DHRSX: variants seen among roughly 807,000 people sequenced by gnomAD.
The protein encoded by DHRSX is polyprenol dehydrogenase.
Under a neutral mutation model 34.0 loss-of-function variants are expected in DHRSX, and 31 were observed. The ratio of observed to expected loss-of-function variants is 0.91; its 90% CI spans 0.69 to 1.23. DHRSX has a LOEUF of 1.23. DHRSX is among the 50% of genes most tolerant of loss of function. The pLI is 0.00. For synonymous variants in DHRSX, 201 were observed against 183.8 expected, an observed-to-expected ratio of 1.09 and a Z score of -0.76; for missense variants, 414 against 428.1, an observed-to-expected ratio of 0.97 and a Z score of 0.29.
intron 1 of DHRSX, among the ~76,000 whole-genome samples, chrX:2,440,084 T>C (rs1338520000): frequency 2.6e-5 from 4 of 152,168 alleles, no homozygotes; most frequent in Admixed American, 6.6e-5. Flanking sequence ...TTACCCACTT[T>C]TGAAATGAAC....
intron 3 of DHRSX, among the ~76,000 whole-genome samples, chrX:2,322,918 TTTGTTG>T (rs770162492): frequency 4.6e-5 from 7 of 152,052 alleles, no homozygotes; most frequent in African/African-American, 1.2e-4. Context: ...ACTCTAGTTT[TTTGTTG>T]TTGTTGTTGT....
intron 1 of DHRSX, 115 bp from the exon 2 acceptor site, chrX:2,425,419 T>C: frequency 1.2e-6 from 1 of 864,174 alleles, no homozygotes; most frequent in Non-Finnish European, 1.9e-6. Flanking sequence ...TTCATTTATT[T>C]CTGGTTCTGT....
chrX:2,439,413 C>CT (rs1181558852), intron 1 of DHRSX, among the ~76,000 whole-genome samples: 1 of 152,152 alleles, frequency 6.6e-6, no homozygotes, highest in East Asian at 1.9e-4. Flanking sequence ...AATCCATACT[C>CT]TGACAAGTTC....
At chrX:2,252,026 C>T (rs1226940135) in intron 5 of DHRSX, among the ~76,000 whole-genome samples, 4 of 151,824 alleles carry the variant, frequency 2.6e-5, no homozygotes, top group Admixed American at 1.3e-4. Context: ...TCACCTGAGG[C>T]CAGGAGTTCG....
chrX:2,382,055 A>G (rs1374717396), intron 3 of DHRSX, among the ~76,000 whole-genome samples: 4 of 152,186 alleles, frequency 2.6e-5, no homozygotes, highest in African/African-American at 9.6e-5. Context: ...AACATGGACA[A>G]GAAGATGCCT....
At chrX:2,245,625 A>C (rs1013496044) in intron 5 of DHRSX, among the ~76,000 whole-genome samples, 16 of 150,530 alleles carry the variant, frequency 1.1e-4, no homozygotes, top group African/African-American at 3.6e-4. Flanking sequence ...TAGCTCTTAC[A>C]TATATTGATT....
At chrX:2,269,624 C>T (rs1328597432) in intron 4 of DHRSX, among the ~76,000 whole-genome samples, 1 of 152,130 alleles carries the variant, frequency 6.6e-6, no homozygotes, top group Non-Finnish European at 1.5e-5. Flanking sequence ...GCAACCTCCG[C>T]CTCCCAGGTT....
chrX:2,314,134 T>G (rs1309440714), intron 3 of DHRSX, among the ~76,000 whole-genome samples: 1 of 140,116 alleles, frequency 7.1e-6, no homozygotes, highest in African/African-American at 2.7e-5. Flanking sequence ...CAGTTGATTA[T>G]GTCCCAGATC....
At chrX:2,238,768 AGAGATG>A (rs1293847920) in intron 6 of DHRSX, among the ~76,000 whole-genome samples, 3 of 150,954 alleles carry the variant, frequency 2.0e-5, no homozygotes, top group Non-Finnish European at 4.4e-5. Context: ...TTTTTTTAAT[AGAGATG>A]GTGTTTCACC....
intron 3 of DHRSX, among the ~76,000 whole-genome samples, chrX:2,381,796 C>CT (rs2043205826): frequency 2.9e-5 from 1 of 34,122 alleles, no homozygotes; most frequent in Admixed American, 4.8e-4. Context: ...GAAGCCACAA[C>CT]CAAAAAAAAA....
chrX:2,492,791 T>C (rs2045188229), intron 1 of DHRSX, among the ~76,000 whole-genome samples: 1 of 152,202 alleles, frequency 6.6e-6, no homozygotes, highest in Non-Finnish European at 1.5e-5. Context: ...AGCGCAGCCC[T>C]GAGACACTTT....
At chrX:2,295,988 T>C (rs997865143) in intron 3 of DHRSX, among the ~76,000 whole-genome samples, 2 of 152,186 alleles carry the variant, frequency 1.3e-5, no homozygotes, top group East Asian at 1.9e-4. Flanking sequence ...GAGATGCTTG[T>C]GTGCCTCACT....
At chrX:2,386,883 T>G (rs1179002626) in intron 3 of DHRSX, among the ~76,000 whole-genome samples, 1 of 55,174 alleles carries the variant, frequency 1.8e-5, no homozygotes, top group Non-Finnish European at 3.1e-5. Context: ...GATGGTTTTG[T>G]TTTTTTTTTT....
At chrX:2,308,040 T>C (rs2042121191) in intron 3 of DHRSX, among the ~76,000 whole-genome samples, 1 of 152,108 alleles carries the variant, frequency 6.6e-6, no homozygotes, top group Non-Finnish European at 1.5e-5. Context: ...TCATTCCACC[T>C]GGAGTACCTT....
chrX:2,481,548 C>G (rs1569505608), intron 1 of DHRSX, among the ~76,000 whole-genome samples: 1 of 151,952 alleles, frequency 6.6e-6, no homozygotes, highest in Non-Finnish European at 1.5e-5. Context: ...CACCTGTAAT[C>G]CCAGCTACTC....
chrX:2,453,154 A>C (rs1449055118), intron 1 of DHRSX, among the ~76,000 whole-genome samples: 2 of 152,218 alleles, frequency 1.3e-5, no homozygotes, highest in African/African-American at 4.8e-5. Context: ...CATATGTAGA[A>C]TATAAAAAAG....
At chrX:2,243,812 T>G (rs1224965541) in intron 5 of DHRSX, among the ~76,000 whole-genome samples, 9 of 121,896 alleles carry the variant, frequency 7.4e-5, no homozygotes, top group East Asian at 2.5e-4. Flanking sequence ...TTTTTTTTTT[T>G]TTTTTTTTTT....
chrX:2,475,702 G>A (rs186420984), intron 1 of DHRSX, among the ~76,000 whole-genome samples: 42 of 151,994 alleles, frequency 2.8e-4, no homozygotes, highest in Middle Eastern at 6.8e-3. Flanking sequence ...AGGGACCGCC[G>A]CCATGTACAC....
rs772837324 is a variant in DHRSX, at chrX:2,482,166, GT to G, written c.109+18650del. 1.4e-3 allele frequency among the ~76,000 whole-genome samples: 205 copies of G among 142,896 alleles called. 2 individuals are homozygous for G. The highest frequency in any genetic ancestry group is 4.7e-3 in the African/African-American group (176 of 37,756). 93.7% of individuals were successfully genotyped at this position (142,896 alleles called of 152,430 possible). Reference sequence around the variant, plus strand: ...TTTTAGAGACAGCATCTCTCTCCTTGTTGCACAGGCTGGAGTGCAGTGGTGC... The same window carrying G: ...TTTTAGAGACAGCATCTCTCTCCTTGTGCACAGGCTGGAGTGCAGTGGTGC... On this transcript the variant is annotated intron_variant, in intron 1 of 6. Coordinates refer to ENST00000334651, the MANE Select transcript of DHRSX (RefSeq NM_145177.3).
Sources: gnomAD v4.1 joint callset for allele counts (sites outside exome capture counted in the v4.1 genomes callset) on GRCh38, gnomAD v4.1.1 for gene constraint, MANE v1.5 for transcripts, NCBI Gene and HGNC (gene_info 2026-07-23, HGNC 2026-07-21) for gene names.